Variants in STARD9 observed in about 807,000 individuals in gnomAD.
STARD9 encodes the protein stAR-related lipid transfer protein 9.
A neutral mutation model predicts 399.8 loss-of-function variants in STARD9; 346 were observed. The ratio of observed to expected loss-of-function variants is 0.87; its 90% confidence interval spans 0.79 to 0.95. STARD9 has a LOEUF of 0.95. Ranked by LOEUF, STARD9 falls within the 40% of genes least tolerant of loss-of-function variation. The probability of loss-of-function intolerance (pLI) is 0.00; values close to 1 mark genes in which losing one functional copy is unlikely to be tolerated. For synonymous variants in STARD9, 2,203 were observed against 2,143.5 expected (o/e 1.03, Z -0.77); for missense variants, 5,832 against 5,667.5 (o/e 1.03, Z -0.93).
chr15:42,640,543 C>T (rs1385976997), intron 7 of STARD9, among the ~76,000 whole-genome samples: 1 of 151,672 alleles, frequency 6.6e-6, no homozygotes, highest in Non-Finnish European at 1.5e-5. Flanking sequence ...GTGTGTGGGC[C>T]GGGTGCAGTG....
At chr15:42,621,665 A>G (rs1349422160) in intron 3 of STARD9, among the ~76,000 whole-genome samples, 1 of 152,222 alleles carries the variant, frequency 6.6e-6, no homozygotes, top group Non-Finnish European at 1.5e-5. Context: ...AAACTTGGCT[A>G]CTTGTTACAA....
chr15:42,661,163 C>G lies in STARD9; in HGVS notation c.708C>G (p.Ile236Met). 6.5e-7 allele frequency: 1 copy of G among 1,536,022 alleles called. No homozygotes were observed. The highest frequency in any genetic ancestry group is 8.7e-7 in the Non-Finnish European group (1 of 1,145,878). ...TTAAATGTTTTCTCCTCTAGGCAAT[C>G]CTGGAGAACAACCTCCCTTCTGAAA... ...AIFTIHYTQAILENNLPSEMA... is the reference protein window; with the variant it reads ...AIFTIHYTQAMLENNLPSEMA... The change falls in exon 10 of 33, where the codon ATC (isoleucine) becomes ATG (methionine). Residue 236 changes from isoleucine (I) to methionine (M), a missense_variant. This residue lies in a region of STARD9 where 5,828 missense variants were observed against 5,651.1 expected (regional missense o/e 1.03). Transcript: ENST00000290607.
Position 42,693,562 on chromosome 15 carries a change from T to G in STARD9, c.11984T>G (p.Phe3995Cys), listed in dbSNP as rs1419148970. 6.5e-7 allele frequency: 1 copy of G among 1,537,206 alleles called. No homozygotes were observed. The highest frequency in any genetic ancestry group is 2.4e-5 in the East Asian group (1 of 40,922). Reference protein sequence around the residue: ...PQQSPKLQFSFLGQHPQQLQP... With the variant: ...PQQSPKLQFSCLGQHPQQLQP... ...CAGAGTCCAAAACTCCAATTTAGTT[T>G]CTTAGGGCAGCACCCTCAGCAGCTT... The change falls in exon 23 of 33, where the codon TTC becomes TGC. Residue 3995 changes from phenylalanine to cysteine, a missense_variant. By Grantham distance (205) the Phe-to-Cys change is radical. This residue lies in a region of STARD9 where 5,828 missense variants were observed against 5,651.1 expected (regional missense o/e 1.03). Transcript: ENST00000290607.
At chr15:42,673,720 T>C (rs1364135044) in intron 16 of STARD9, among the ~76,000 whole-genome samples, 1 of 152,250 alleles carries the variant, frequency 6.6e-6, no homozygotes, top group Non-Finnish European at 1.5e-5. Context: ...AGCATCCCGG[T>C]TGCCATGTTG....
chr15:42,718,376 G>A lies in STARD9; in HGVS notation c.13763-59G>A, dbSNP rs73410940. ...GGGGGGAGGGCTCCCTGACCAGGAA[G>A]GCTTTAGGACTAGGTCTGTCCATGG... On this transcript the variant is annotated intron_variant, in intron 30 of 32. Coordinates refer to ENST00000290607, the MANE Select transcript of STARD9 (RefSeq NM_020759.3). The A allele has an allele frequency of 0.018, 25,830 of 1,415,098 alleles. 1,405 individuals are homozygous for A. In the African/African-American group the frequency reaches 0.19, roughly 10 times the overall value. 87.7% of individuals were successfully genotyped at this position (1,415,098 alleles called of 1,614,324 possible).
In STARD9 at chr15:42,690,912, C is replaced by T. The variant is rs1195870821; in HGVS notation, c.9334C>T (p.Leu3112=). The T allele has an allele frequency of 6.5e-7, 1 of 1,537,204 alleles. No homozygotes were observed. ...SFPAGMYSEP[L]RQFRDSSVGD... ...CCCTGCAGGCATGTACTCTGAGCCC[C>T]TGAGGCAGTTTAGGGACAGCTCTGT... is the stretch of plus-strand genomic sequence containing the variant. Residue 3112 remains leucine, a synonymous_variant, in exon 23 of 33, where the codon CTG becomes TTG. Transcript: ENST00000290607.
intron 26 of STARD9, among the ~76,000 whole-genome samples, chr15:42,702,889 A>G (rs1342766034): frequency 1.3e-5 from 2 of 152,160 alleles, no homozygotes; most frequent in Non-Finnish European, 2.9e-5. Flanking sequence ...TTTGCCGAGA[A>G]GTCTGCTGCC....
intron 7 of STARD9, among the ~76,000 whole-genome samples, chr15:42,648,394 C>T (rs920726720): frequency 1.3e-5 from 2 of 152,116 alleles, no homozygotes; most frequent in African/African-American, 2.4e-5. Flanking sequence ...AACTCCTGAC[C>T]GAAAGTAATC....
At chr15:42,627,178 C>T (rs2059243325) in intron 3 of STARD9, among the ~76,000 whole-genome samples, 2 of 152,076 alleles carry the variant, frequency 1.3e-5, no homozygotes, top group African/African-American at 4.8e-5. Flanking sequence ...TGCCTGTAGT[C>T]CCAGCTACTT....
intron 3 of STARD9, among the ~76,000 whole-genome samples, chr15:42,601,583 C>T (rs2058631578): frequency 2.7e-5 from 4 of 150,896 alleles, no homozygotes; most frequent in South Asian, 4.2e-4. Flanking sequence ...GGGCTGCCCC[C>T]CCACCTCCCG....
intron 2 of STARD9, 97 bp downstream of exon 2, chr15:42,583,512 G>A (rs149723469): frequency 1.0e-4 from 89 of 862,564 alleles, no homozygotes; most frequent in African/African-American, 1.0e-3. Context: ...TGTGTTTAGA[G>A]TTGGGGAGGA....
At chr15:42,716,243 C>G (rs565893426) in intron 26 of STARD9, among the ~76,000 whole-genome samples, 1 of 152,258 alleles carries the variant, frequency 6.6e-6, no homozygotes, top group South Asian at 2.1e-4. Flanking sequence ...AAGCGTTCAG[C>G]TTTTCATAGC....
At chr15:42,581,066 C>G (rs1256675684) in intron 1 of STARD9, 1 of 587,576 alleles carries the variant, frequency 1.7e-6, no homozygotes, top group Non-Finnish European at 3.2e-6. Flanking sequence ...TCCTATTGGC[C>G]AAATCAGGTG....
chr15:42,641,650 A>G (rs564355348), intron 7 of STARD9, among the ~76,000 whole-genome samples: 121 of 150,236 alleles, frequency 8.1e-4, no homozygotes, highest in Middle Eastern at 3.4e-3. Context: ...TATTGCCCAG[A>G]CTGGAGTGCA....
At position 42,665,319 on chromosome 15, in the gene STARD9, A is replaced by C. The variant is rs1440019980; in HGVS notation, c.1243A>C (p.Ser415Arg). The change falls in exon 14 of 33, where the codon AGC (serine) becomes CGC (arginine). Residue 415 changes from serine (S) to arginine (R), a missense_variant. Physicochemically the swap from Ser to Arg is moderately radical, Grantham distance 110. Around this residue, in one of 2 missense-constraint regions of STARD9, gnomAD observed 5,828 missense variants for 5,651.1 expected, o/e 1.03. Transcript: ENST00000290607. ...TGAAAGACTGAAAGCCCTGCTGCTG[A>C]GCTTTGAACTGGTATGCAGACAGTC... is the stretch of plus-strand genomic sequence containing the variant. ...EIERLKALLL[S>R]FELRNFSSLS... 2 of 1,536,948 alleles carry C rather than the reference A, an allele frequency of 1.3e-6. No homozygotes were observed. The highest frequency in any genetic ancestry group is 4.9e-5 in the East Asian group (2 of 40,910).
chr15:42,633,746 G>A (rs1192071965), intron 3 of STARD9, among the ~76,000 whole-genome samples: 2 of 151,404 alleles, frequency 1.3e-5, no homozygotes, highest in East Asian at 3.9e-4. Flanking sequence ...GGGTTCAAGC[G>A]ATTCTCCTGC....
Position 42,692,688 on chromosome 15 carries a change from G to A in STARD9, c.11110G>A (p.Ala3704Thr). 1 of 1,537,018 alleles carries A rather than the reference G, an allele frequency of 6.5e-7. No individual in the cohort carries two copies. Among genetic ancestry groups the A allele is most frequent in the Non-Finnish European group, 8.7e-7 (1 of 1,146,858 alleles). ...LLGSLSQPDV[A>T]RREQNTKRDI... ...TGGGAGTCTCTCCCAGCCAGATGTG[G>A]CCAGAAGGGAGCAGAACACCAAGAG... The change falls in exon 23 of 33, where the codon GCC becomes ACC. Residue 3704 changes from alanine to threonine, a missense_variant. By Grantham distance (58) the Ala-to-Thr change is moderately conservative. Transcript: ENST00000290607.
rs1389712233 is a variant in STARD9 at position 42,689,533 on chromosome 15, A to G, written c.7955A>G (p.Asn2652Ser). The G allele has an allele frequency of 1.3e-6, 2 of 1,537,238 alleles. No individual in the cohort carries two copies. Among genetic ancestry groups the G allele is most frequent in the South Asian group, 1.2e-5 (1 of 84,062 alleles). ...LSADSFESLPNTETDREPWDP... is the reference protein window; with the variant it reads ...LSADSFESLPSTETDREPWDP... ...GCAGACAGCTTTGAATCTCTGCCCA[A>G]TACGGAAACTGACAGAGAGCCATGG... The change falls in exon 23 of 33, where the codon AAT becomes AGT. Residue 2652 changes from asparagine to serine, a missense_variant. Physicochemically the swap from Asn to Ser is conservative, Grantham distance 46. Transcript: ENST00000290607.
In STARD9 at chr15:42,675,875, G is replaced by A. The variant is rs1458127935; in HGVS notation, c.1774G>A (p.Gly592Arg). Residue 592 changes from glycine (G) to arginine (R), a missense_variant, in exon 20 of 33, where the codon GGA becomes AGA. Coordinates refer to ENST00000290607, the MANE Select transcript of STARD9 (RefSeq NM_020759.3). The stretch of plus-strand genomic sequence containing the variant: ...TGTGCTTTCTTCCTTGTTCAAGGTT[G>A]GAGAGGCTGCTGCTGGTCGTGGCTC... ...AAVLRQRRQV[G>R]EAAAGRGSLE... is the part of the protein sequence containing the mutation. 1.3e-6 allele frequency: 2 copies of A among 1,537,110 alleles called. No homozygotes were observed. The highest frequency in any genetic ancestry group is 2.4e-5 in the East Asian group (1 of 40,922).
Sources: allele counts gnomAD v4.1 joint callset (sites outside exome capture counted in the v4.1 genomes callset), GRCh38; gene constraint gnomAD v4.1.1; regional missense constraint gnomAD v4.1.1; transcripts MANE v1.5; gene names NCBI Gene and HGNC (gene_info 2026-07-23, HGNC 2026-07-21).